STYXL1: variants seen among roughly 807,000 people sequenced by gnomAD.
The protein encoded by STYXL1 is serine/threonine/tyrosine interacting like 1, also known as serine/threonine/tyrosine-interacting-like protein 1.
A neutral mutation model predicts 36.4 loss-of-function variants in STYXL1; 32 were observed. That is an observed-to-expected ratio of 0.88 (90% CI 0.66 to 1.18). The LOEUF (loss-of-function observed/expected upper bound fraction) is 1.18, where lower values mean the gene tolerates loss of function less well. Ranked by LOEUF, STYXL1 falls within the 50% of genes most tolerant of loss-of-function variation. The pLI is 0.00. For missense variants in STYXL1, 354 were observed against 394.1 expected (o/e 0.90, Z 0.86); for synonymous variants, 133 against 144.1 (o/e 0.92, Z 0.55).
At chr7:76,001,947 ATTTAT>A (rs1217238514) in intron 7 of STYXL1, among the ~76,000 whole-genome samples, 3 of 149,772 alleles carry the variant, frequency 2.0e-5, no homozygotes, top group Non-Finnish European at 4.5e-5. Context: ...GCCTATTTTT[ATTTAT>A]TTTATTTTAG....
In STYXL1 at chr7:76,000,878, G is replaced by C; in HGVS notation, c.810+12C>G. 2 of 1,612,020 alleles carry C rather than the reference G, an allele frequency of 1.2e-6. No homozygotes were observed. Among genetic ancestry groups the C allele is most frequent in the Non-Finnish European group, 1.7e-6 (2 of 1,178,110 alleles). Reference sequence around the variant, plus strand: ...GTGGCCGTGGTGCGAGCCTGGCCCGGGGAACGCATACCTGCAAGGTCTGCT... The same window carrying C: ...GTGGCCGTGGTGCGAGCCTGGCCCGCGGAACGCATACCTGCAAGGTCTGCT... On this transcript the variant is annotated intron_variant, in intron 8 of 8. Transcript: ENST00000359697.
intron 4 of STYXL1, among the ~76,000 whole-genome samples, chr7:76,015,015 G>C (rs559575097): frequency 1.3e-5 from 2 of 152,304 alleles, no homozygotes; most frequent in East Asian, 3.9e-4. Flanking sequence ...GGGAGGCAGA[G>C]GCAGGAGAAT....
At chr7:76,013,707 G>T in intron 5 of STYXL1, 35 bp downstream of exon 5, 1 of 1,613,288 alleles carries the variant, frequency 6.2e-7, no homozygotes, top group Middle Eastern at 1.7e-4. Flanking sequence ...CATCCTTCCC[G>T]TCTGGGCCTG....
At chr7:76,034,257 C>G (rs1411352300) in intron 1 of STYXL1, among the ~76,000 whole-genome samples, 2 of 145,388 alleles carry the variant, frequency 1.4e-5, no homozygotes, top group Non-Finnish European at 3.1e-5. Flanking sequence ...CACATGCCAC[C>G]ATGGCCGGCT....
chr7:76,031,729 AT>A lies in STYXL1; in HGVS notation c.-4-1203del, dbSNP rs1563513882. The stretch of plus-strand genomic sequence containing the variant: ...GACTCCATCTCAAAAAAAAAAAAAA[AT>A]GTGTAGTGAAATGTGGGCAGAGAAT... On this transcript the variant is annotated intron_variant, in intron 1 of 8. Coordinates refer to ENST00000359697, the MANE Select transcript of STYXL1 (RefSeq NM_001317785.2). Among the ~76,000 whole-genome samples the A allele has an allele frequency of 7.4e-5, 11 of 149,430 alleles. 1 individual carries two copies. The highest frequency in any genetic ancestry group is 4.5e-5 in the Non-Finnish European group (3 of 66,890).
intron 1 of STYXL1, among the ~76,000 whole-genome samples, chr7:76,040,588 C>T (rs1465367528): frequency 6.6e-6 from 1 of 152,168 alleles, no homozygotes; most frequent in Non-Finnish European, 1.5e-5. Context: ...CCTGCAATCC[C>T]AGCGCTTTGG....
chr7:76,009,548 T>C (rs1554571610), intron 5 of STYXL1, among the ~76,000 whole-genome samples: 1 of 152,144 alleles, frequency 6.6e-6, no homozygotes, highest in Non-Finnish European at 1.5e-5. Flanking sequence ...GTAACTGGGA[T>C]TACAGGCATG....
At position 76,038,448 on chromosome 7, in the gene STYXL1, G is replaced by A. The variant is rs1444441736; in HGVS notation, c.-4-7921C>T. Among the ~76,000 whole-genome samples, 3 of 121,084 alleles carry A rather than the reference G, an allele frequency of 2.5e-5. 1 individual carries two copies. Among genetic ancestry groups the A allele is most frequent in the Non-Finnish European group, 3.7e-5 (2 of 53,896 alleles). The allele number at this position is 121,084 out of a possible 152,430, so 79.4% of individuals were successfully genotyped here. On this transcript the variant is annotated intron_variant, in intron 1 of 8. Coordinates refer to ENST00000359697, the MANE Select transcript of STYXL1 (RefSeq NM_001317785.2). The stretch of plus-strand genomic sequence containing the variant: ...TTTTTTTTTTTTTTTTTCCTGAGAC[G>A]GAATCTTGCTCTGTCACCCCAGGCT...
intron 7 of STYXL1, among the ~76,000 whole-genome samples, chr7:76,003,430 G>A (rs1317810181): frequency 3.9e-5 from 6 of 152,198 alleles, no homozygotes; most frequent in South Asian, 2.1e-4. Flanking sequence ...TCAGCCCAGA[G>A]CCTCCATGAG....
chr7:76,022,550 T>A (rs10954738), intron 3 of STYXL1, among the ~76,000 whole-genome samples: 23,485 of 151,446 alleles, frequency 0.16, 3,609 homozygotes, highest in African/African-American at 0.39. Context: ...CTGTAGTCCC[T>A]ACTACTCAGG....
chr7:76,025,990 A>G (rs1248098921), intron 3 of STYXL1, among the ~76,000 whole-genome samples: 1 of 151,326 alleles, frequency 6.6e-6, no homozygotes, highest in Non-Finnish European at 1.5e-5. Context: ...CAGAAGATCG[A>G]GAGCATCCTG....
Position 76,004,006 on chromosome 7 carries a change from A to G in STYXL1, c.600-151T>C, listed in dbSNP as rs77772802. On this transcript the variant is annotated intron_variant, in intron 6 of 8. Coordinates refer to ENST00000359697, the MANE Select transcript of STYXL1 (RefSeq NM_001317785.2). Reference sequence around the variant, plus strand: ...CAGGTAACTCAACCTCTCCTGGAAAAAAACATCCAGGCTGGGTGTGGTGGC... The same window carrying G: ...CAGGTAACTCAACCTCTCCTGGAAAGAAACATCCAGGCTGGGTGTGGTGGC... The G allele has an allele frequency of 2.2e-3, 1,409 of 654,546 alleles. 21 individuals carry two copies. In the African/African-American group the frequency reaches 0.023, roughly 11 times the overall value. 40.5% of individuals were successfully genotyped at this position (654,546 alleles called of 1,614,324 possible).
intron 1 of STYXL1, among the ~76,000 whole-genome samples, chr7:76,037,677 G>A (rs782184753): frequency 4.7e-5 from 7 of 149,700 alleles, no homozygotes; most frequent in Non-Finnish European, 7.5e-5. Flanking sequence ...GCTTGACCCA[G>A]CGCTCAACTG....
intron 1 of STYXL1, among the ~76,000 whole-genome samples, chr7:76,035,848 C>T (rs1355403863): frequency 6.7e-6 from 1 of 149,910 alleles, no homozygotes; most frequent in African/African-American, 2.4e-5. Flanking sequence ...TAGATAAAAA[C>T]CCAGCCCCAA....
At chr7:76,004,083 G>A (rs535865066) in intron 6 of STYXL1, among the ~76,000 whole-genome samples, 4 of 152,134 alleles carry the variant, frequency 2.6e-5, no homozygotes, top group South Asian at 4.2e-4. Flanking sequence ...ATCACATAGC[G>A]AGACCCTTGT....
chr7:76,003,684 G>A, intron 7 of STYXL1, 74 bp downstream of exon 7: 3 of 1,363,470 alleles, frequency 2.2e-6, no homozygotes, highest in South Asian at 2.4e-5. Context: ...GAATAAGCCT[G>A]TGAAGGAGGC....
chr7:76,030,345 A>C, intron 2 of STYXL1, 76 bp downstream of exon 2: 6 of 1,160,592 alleles, frequency 5.2e-6, no homozygotes, highest in Non-Finnish European at 3.8e-6. Flanking sequence ...ACCCCGCCAA[A>C]AGTTTGTTAA....
At chr7:76,044,629 C>T (rs1255776427) in intron 1 of STYXL1, 3 of 152,104 alleles carry the variant, frequency 2.0e-5, no homozygotes, top group African/African-American at 7.2e-5. Flanking sequence ...ATGGTCTCAA[C>T]TCTCCCCCTC....
At chr7:76,036,861 T>C (rs1036039703) in intron 1 of STYXL1, among the ~76,000 whole-genome samples, 6 of 136,426 alleles carry the variant, frequency 4.4e-5, no homozygotes, top group Admixed American at 3.1e-4. Context: ...CTCTGCTCAC[T>C]GCAACCTCCG....
Sources: allele counts gnomAD v4.1 joint callset (sites outside exome capture counted in the v4.1 genomes callset), GRCh38; gene constraint gnomAD v4.1.1; transcripts MANE v1.5; gene names NCBI Gene and HGNC (gene_info 2026-07-23, HGNC 2026-07-21).